PDE4D: variants seen among roughly 807,000 people sequenced by gnomAD.
PDE4D encodes phosphodiesterase 4D.
A neutral mutation model predicts 87.4 loss-of-function variants in PDE4D; 24 were observed. The ratio of observed to expected loss-of-function variants is 0.27; its 90% CI spans 0.20 to 0.39. The LOEUF (loss-of-function observed/expected upper bound fraction) is 0.39. Among genes scored for constraint, PDE4D ranks in the 10% least tolerant of loss-of-function variants. The probability of loss-of-function intolerance (pLI) is 1.00; values close to 1 mark genes in which losing one functional copy is unlikely to be tolerated. For missense variants in PDE4D, 714 were observed against 1,041.0 expected (o/e 0.69, Z 4.32); for synonymous variants, 384 against 383.2 (o/e 1.00, Z -0.02).
At chr5:60,416,530 C>T (rs1646537192) in intron 1 of PDE4D, among the ~76,000 whole-genome samples, 1 of 152,156 alleles carries the variant, frequency 6.6e-6, no homozygotes, top group Non-Finnish European at 1.5e-5. Context: ...AGCTGTAACA[C>T]TCACCGCGAA....
intron 1 of PDE4D, among the ~76,000 whole-genome samples, chr5:60,308,739 ACAAC>A (rs1271769795): frequency 6.6e-6 from 1 of 152,220 alleles, no homozygotes; most frequent in Non-Finnish European, 1.5e-5. Flanking sequence ...TGTAGTTTTC[ACAAC>A]CAGTTTTTCT....
intron 1 of PDE4D, among the ~76,000 whole-genome samples, chr5:59,399,424 G>A (rs1335282615): frequency 2.9e-5 from 4 of 137,984 alleles, no homozygotes; most frequent in African/African-American, 1.0e-4. Flanking sequence ...CAGAAATAAC[G>A]CCGCATATCT....
intron 3 of PDE4D, among the ~76,000 whole-genome samples, chr5:59,974,954 C>G (rs1761152037): frequency 2.0e-5 from 3 of 152,138 alleles, no homozygotes; most frequent in African/African-American, 7.2e-5. Context: ...TGACTCTTCG[C>G]TAAAGATGTC....
chr5:59,612,105 G>T (rs1449565261), intron 1 of PDE4D, among the ~76,000 whole-genome samples: 1 of 152,152 alleles, frequency 6.6e-6, no homozygotes, highest in Non-Finnish European at 1.5e-5. Flanking sequence ...GAAGTTTCAA[G>T]GATCATGAAG....
At chr5:60,161,096 A>T (rs1041555755) in intron 2 of PDE4D, among the ~76,000 whole-genome samples, 1 of 152,168 alleles carries the variant, frequency 6.6e-6, no homozygotes, top group African/African-American at 2.4e-5. Flanking sequence ...GGAAATAGTT[A>T]AGTACCCCAG....
At chr5:59,477,942 C>G (rs1803580772) in intron 1 of PDE4D, among the ~76,000 whole-genome samples, 1 of 152,054 alleles carries the variant, frequency 6.6e-6, no homozygotes, top group African/African-American at 2.4e-5. Flanking sequence ...AATGCTGGAA[C>G]ATAAAACCAA....
intron 3 of PDE4D, among the ~76,000 whole-genome samples, chr5:59,929,702 A>G (rs1755683288): frequency 6.6e-6 from 1 of 152,200 alleles, no homozygotes; most frequent in South Asian, 2.1e-4. Context: ...ACTTATTTCC[A>G]TCATATTTGG....
At chr5:60,265,026 T>A (rs757740437) in intron 1 of PDE4D, among the ~76,000 whole-genome samples, 21 of 152,134 alleles carry the variant, frequency 1.4e-4, no homozygotes, top group Admixed American at 2.0e-4. Flanking sequence ...GGCAAGTGGT[T>A]GAAAAGTGGA....
At chr5:58,979,572 G>C (rs1442207270) in intron 11 of PDE4D, among the ~76,000 whole-genome samples, 1 of 152,170 alleles carries the variant, frequency 6.6e-6, no homozygotes, top group East Asian at 1.9e-4. Context: ...CTTGTAAGTA[G>C]AGTCCTTGAA....
intron 2 of PDE4D, among the ~76,000 whole-genome samples, chr5:59,993,345 C>G (rs1763202169): frequency 6.6e-6 from 1 of 152,152 alleles, no homozygotes. Flanking sequence ...ATGTTCACTG[C>G]AGCTCATTTA....
chr5:60,444,700 C>A (rs558885258), intron 1 of PDE4D, among the ~76,000 whole-genome samples: 9 of 151,654 alleles, frequency 5.9e-5, no homozygotes, highest in Non-Finnish European at 1.3e-4. Context: ...ACTGGATAGA[C>A]AATTGCAAGC....
intron 1 of PDE4D, among the ~76,000 whole-genome samples, chr5:59,622,095 G>T (rs1400014005): frequency 6.6e-6 from 1 of 152,000 alleles, no homozygotes; most frequent in East Asian, 1.9e-4. Context: ...AAATTAAGTG[G>T]CTCACTGGAC....
chr5:59,391,574 T>C (rs1377073850), intron 1 of PDE4D, among the ~76,000 whole-genome samples: 1 of 152,048 alleles, frequency 6.6e-6, no homozygotes, highest in Admixed American at 6.6e-5. Context: ...AAATTAGGAG[T>C]CAGAGGGATC....
At chr5:59,105,532 C>T (rs1049832906) in intron 5 of PDE4D, among the ~76,000 whole-genome samples, 14 of 152,098 alleles carry the variant, frequency 9.2e-5, no homozygotes, top group Non-Finnish European at 1.6e-4. Context: ...ACTCCCCTTA[C>T]CCCTTACAAA....
In PDE4D at chr5:58,975,583, T is replaced by A; in HGVS notation, c.2013+74A>T. On this transcript the variant is annotated intron_variant, in intron 14 of 14. Transcript: ENST00000340635. The surrounding 1 kb of genome is among the most constrained non-coding windows in gnomAD (Gnocchi z 4.2). ...TTAAAAATCCAGTAAAATACTATCA[T>A]ATGTAATACAAAGTAACCAAATGCT... 8.6e-7 allele frequency: 1 copy of A among 1,157,584 alleles called. No individual in the cohort carries two copies. Among genetic ancestry groups the A allele is most frequent in the Non-Finnish European group, 1.2e-6 (1 of 855,004 alleles). 71.7% of individuals were successfully genotyped at this position (1,157,584 alleles called of 1,614,324 possible).
At chr5:60,445,836 C>A (rs2150141858) in intron 1 of PDE4D, among the ~76,000 whole-genome samples, 1 of 152,032 alleles carries the variant, frequency 6.6e-6, no homozygotes, top group East Asian at 1.9e-4. Flanking sequence ...ATCACATGCA[C>A]AAAAACTTCT....
At chr5:60,058,192 C>T (rs771728792) in intron 2 of PDE4D, among the ~76,000 whole-genome samples, 17 of 151,920 alleles carry the variant, frequency 1.1e-4, no homozygotes, top group Non-Finnish European at 2.5e-4. Flanking sequence ...TTTGATTAAT[C>T]TCACTCCTGT....
intron 2 of PDE4D, among the ~76,000 whole-genome samples, chr5:60,084,295 T>G (rs1774292249): frequency 6.6e-6 from 1 of 152,230 alleles, no homozygotes; most frequent in South Asian, 2.1e-4. Context: ...GTAACTGAAT[T>G]ATTTACATCA....
intron 2 of PDE4D, among the ~76,000 whole-genome samples, chr5:60,141,297 G>A (rs1037526923): frequency 3.4e-4 from 52 of 152,234 alleles, no homozygotes; most frequent in South Asian, 1.0e-3. Context: ...CTTGAATGAC[G>A]TCATCAGGGG....
Sources: gnomAD v4.1 joint callset for allele counts (sites outside exome capture counted in the v4.1 genomes callset) on GRCh38, gnomAD v4.1.1 for gene constraint, Gnocchi (gnomAD v3.1) non-coding constraint, MANE v1.5 for transcripts, NCBI Gene and HGNC (gene_info 2026-07-23, HGNC 2026-07-21) for gene names.